The following MB21D2 variants were observed in gnomAD, a reference collection of about 807,000 sequenced individuals.
MB21D2 encodes Mab-21 domain containing 2.
MB21D2 carries 9 observed loss-of-function variants against 33.3 expected under a neutral mutation model. That is an observed-to-expected ratio of 0.27 (90% CI 0.16 to 0.47). MB21D2 has a LOEUF of 0.47. Among genes scored for constraint, MB21D2 ranks in the 20% least tolerant of loss-of-function variants. The probability of loss-of-function intolerance (pLI) is 0.99; values close to 1 mark genes in which losing one functional copy is unlikely to be tolerated. For missense variants in MB21D2, 540 were observed against 624.6 expected (o/e 0.86, Z 1.44); for synonymous variants, 241 against 236.3 (o/e 1.02, Z -0.18).
chr3:192,859,518 C>T (rs866879581), intron 1 of MB21D2, among the ~76,000 whole-genome samples: 1 of 152,116 alleles, frequency 6.6e-6, no homozygotes, highest in Non-Finnish European at 1.5e-5. Flanking sequence ...TAACCCCATC[C>T]CTGCCCTACC....
intron 1 of MB21D2, among the ~76,000 whole-genome samples, chr3:192,820,364 C>T (rs181880241): frequency 3.2e-4 from 48 of 152,172 alleles, no homozygotes; most frequent in Admixed American, 7.2e-4. Flanking sequence ...ATAACAACTT[C>T]GGATAATACA....
At chr3:192,810,410 C>T (rs1411686260) in intron 1 of MB21D2, among the ~76,000 whole-genome samples, 1 of 148,334 alleles carries the variant, frequency 6.7e-6, no homozygotes, top group Non-Finnish European at 1.5e-5. Context: ...GAAGCCTCCT[C>T]TAAAGGACTT....
chr3:192,800,388 CT>C (rs948698870), intron 1 of MB21D2, among the ~76,000 whole-genome samples: 6 of 152,112 alleles, frequency 3.9e-5, no homozygotes, highest in Non-Finnish European at 7.4e-5. Context: ...TCTTGTCTGA[CT>C]TTTTTACTGT....
At chr3:192,848,365 T>A (rs1049243958) in intron 1 of MB21D2, among the ~76,000 whole-genome samples, 1 of 152,154 alleles carries the variant, frequency 6.6e-6, no homozygotes, top group African/African-American at 2.4e-5. Context: ...AAATATAACA[T>A]AAATTTTAAA....
At chr3:192,810,504 C>T (rs2108611904) in intron 1 of MB21D2, among the ~76,000 whole-genome samples, 1 of 152,146 alleles carries the variant, frequency 6.6e-6, no homozygotes, top group East Asian at 1.9e-4. Context: ...TACAAACTAT[C>T]ACTGGCTAGT....
At chr3:192,881,356 T>C (rs1347500841) in intron 1 of MB21D2, among the ~76,000 whole-genome samples, 2 of 152,066 alleles carry the variant, frequency 1.3e-5, no homozygotes, top group Non-Finnish European at 1.5e-5. Flanking sequence ...GGTTGCTCTG[T>C]AGCTCTGTTT....
At chr3:192,875,571 T>C (rs1713412240) in intron 1 of MB21D2, among the ~76,000 whole-genome samples, 1 of 152,182 alleles carries the variant, frequency 6.6e-6, no homozygotes, top group African/African-American at 2.4e-5. Flanking sequence ...AAAAAGAAAA[T>C]ATTTTGTGTC....
At chr3:192,828,522 C>A (rs1405756576) in intron 1 of MB21D2, among the ~76,000 whole-genome samples, 2 of 144,630 alleles carry the variant, frequency 1.4e-5, no homozygotes, top group East Asian at 4.2e-4. Context: ...TAGATTTGGA[C>A]AGGTTGATAT....
chr3:192,882,086 T>TAAGGCATTCA lies in MB21D2; in HGVS notation c.211+35543_211+35544insTGAATGCCTT, dbSNP rs1411952766. On this transcript the variant is annotated intron_variant, in intron 1 of 1. Coordinates refer to ENST00000392452, the MANE Select transcript of MB21D2 (RefSeq NM_178496.4). Reference sequence around the variant, plus strand: ...GTCGTCTGTCTCATTCAGTTATGTATGTCTAATGCCTAACCTAAGACTTGG... The same window carrying TAAGGCATTCA: ...GTCGTCTGTCTCATTCAGTTATGTATAAGGCATTCAGTCTAATGCCTAACCTAAGACTTGG... Among the ~76,000 whole-genome samples, 118 of 152,270 alleles carry TAAGGCATTCA rather than the reference T, an allele frequency of 7.7e-4. 1 individual carries two copies. Among genetic ancestry groups the TAAGGCATTCA allele is most frequent in the African/African-American group, 2.6e-3 (109 of 41,494 alleles).
At chr3:192,881,010 T>G (rs906413037) in intron 1 of MB21D2, among the ~76,000 whole-genome samples, 1 of 152,086 alleles carries the variant, frequency 6.6e-6, no homozygotes, top group African/African-American at 2.4e-5. Flanking sequence ...TATATATAAA[T>G]ACATATAGAT....
intron 1 of MB21D2, among the ~76,000 whole-genome samples, chr3:192,882,171 G>C (rs1577194938): frequency 6.6e-6 from 1 of 151,870 alleles, no homozygotes; most frequent in South Asian, 2.1e-4. Flanking sequence ...TGATGCCCAG[G>C]CTAGAGTGCA....
chr3:192,844,640 A>G (rs9870609), intron 1 of MB21D2, among the ~76,000 whole-genome samples: 69,408 of 152,084 alleles, frequency 0.46, 16,405 homozygotes, highest in East Asian at 0.61. Flanking sequence ...AGGAGATTAG[A>G]TGGAGCCCTG....
intron 1 of MB21D2, among the ~76,000 whole-genome samples, chr3:192,899,554 G>A (rs977131404): frequency 3.9e-5 from 6 of 152,148 alleles, no homozygotes; most frequent in African/African-American, 1.4e-4. Context: ...AAAGAGAATG[G>A]GATGCCCATA....
intron 1 of MB21D2, among the ~76,000 whole-genome samples, chr3:192,837,402 G>C (rs1712464494): frequency 6.6e-6 from 1 of 152,148 alleles, no homozygotes; most frequent in African/African-American, 2.4e-5. Flanking sequence ...GGCCTGAACA[G>C]GCCATCCTCC....
intron 1 of MB21D2, among the ~76,000 whole-genome samples, chr3:192,805,135 A>G (rs2108609784): frequency 6.6e-6 from 1 of 152,332 alleles, no homozygotes; most frequent in South Asian, 2.1e-4. Context: ...GACAATGCAC[A>G]ATGGCTTAAG....
At chr3:192,835,289 C>CA (rs982689814) in intron 1 of MB21D2, among the ~76,000 whole-genome samples, 2 of 149,320 alleles carry the variant, frequency 1.3e-5, no homozygotes, top group African/African-American at 2.5e-5. Context: ...ACCGTCTCTA[C>CA]AAAAAAATAC....
chr3:192,872,348 G>A (rs959601051), intron 1 of MB21D2, among the ~76,000 whole-genome samples: 5 of 152,044 alleles, frequency 3.3e-5, no homozygotes, highest in East Asian at 1.9e-4. Context: ...AGGCCGAGGC[G>A]GGCAGATCAC....
intron 1 of MB21D2, among the ~76,000 whole-genome samples, chr3:192,905,841 AAAAAGAAAAGGAAAGG>A (rs1330228902): frequency 1.3e-5 from 2 of 151,780 alleles, no homozygotes; most frequent in African/African-American, 2.4e-5. Flanking sequence ...CAAAAAGAAG[AAAAAGAAAAGGAAAGG>A]AAAAGAAAAG....
chr3:192,882,738 C>CTTT (rs150767581), intron 1 of MB21D2, among the ~76,000 whole-genome samples: 1 of 145,120 alleles, frequency 6.9e-6, no homozygotes, highest in African/African-American at 2.6e-5. Context: ...AACCAGTTTC[C>CTTT]TTTTTTTTTC....
Sources: gnomAD v4.1 joint callset for allele counts (sites outside exome capture counted in the v4.1 genomes callset) on GRCh38, gnomAD v4.1.1 for gene constraint, MANE v1.5 for transcripts, NCBI Gene and HGNC (gene_info 2026-07-23, HGNC 2026-07-21) for gene names.